Variants in ELMO1 observed in about 807,000 individuals in gnomAD.
ELMO1 encodes the protein engulfment and cell motility 1.
Under a neutral mutation model 98.9 loss-of-function variants are expected in ELMO1, and 26 were observed. The ratio of observed to expected loss-of-function variants is 0.26; its 90% CI spans 0.19 to 0.36. The LOEUF is 0.36. ELMO1 is among the 10% of genes least tolerant of loss of function. The probability of loss-of-function intolerance (pLI) is 1.00; values close to 1 mark genes in which losing one functional copy is unlikely to be tolerated. For synonymous variants in ELMO1, 346 were observed against 346.0 expected (o/e 1.00, Z 0.00); for missense variants, 627 against 935.2 (o/e 0.67, Z 4.30).
chr7:36,977,372 T>C (rs990121336), intron 16 of ELMO1, among the ~76,000 whole-genome samples: 1 of 152,206 alleles, frequency 6.6e-6, no homozygotes. Flanking sequence ...GGTCTGGCCT[T>C]GAAGCAAGTA....
rs1391213907 is a variant in ELMO1, at chr7:36,854,538, C to A, written c.*1013G>T. ...TAGACTCTTTTGTACAAAAACAAAG[C>A]AAAAAAAAAAAAAAAAACTAACCCA... On this transcript the variant is annotated 3_prime_UTR_variant, in exon 22 of 22. Transcript: ENST00000310758. 40 of 132,874 alleles carry A rather than the reference C, an allele frequency of 3.0e-4. No individual in the cohort carries two copies. Among genetic ancestry groups the A allele is most frequent in the African/African-American group, 5.1e-4 (18 of 35,160 alleles). The allele number at this position is 132,874 out of a possible 1,614,324, so 8.2% of individuals were successfully genotyped here. A position where few individuals can be genotyped will look rare whatever the true frequency, so the allele number is the denominator to read the frequency against.
chr7:36,891,560 C>T (rs1584320698), intron 17 of ELMO1, among the ~76,000 whole-genome samples: 1 of 152,282 alleles, frequency 6.6e-6, no homozygotes, highest in Admixed American at 6.5e-5. Context: ...TTATCATTTA[C>T]ATATCAACAG....
chr7:37,207,131 T>A (rs17170919), intron 13 of ELMO1, among the ~76,000 whole-genome samples: 1,785 of 152,254 alleles, frequency 0.012, 41 homozygotes, highest in African/African-American at 0.041. Flanking sequence ...GCGGCTACAA[T>A]CAAGAGGGAC....
At chr7:37,394,665 C>A (rs2131433088) in intron 1 of ELMO1, among the ~76,000 whole-genome samples, 1 of 152,160 alleles carries the variant, frequency 6.6e-6, no homozygotes, top group East Asian at 1.9e-4. Flanking sequence ...AAACAGAGAC[C>A]AGATTCCACA....
At chr7:36,901,405 C>T (rs1806494657) in intron 16 of ELMO1, among the ~76,000 whole-genome samples, 1 of 152,166 alleles carries the variant, frequency 6.6e-6, no homozygotes, top group Admixed American at 6.5e-5. Context: ...GTATTTTAGT[C>T]TTTGTGAGCC....
chr7:37,342,857 G>C lies in ELMO1; in HGVS notation c.-73-94C>G. The C allele has an allele frequency of 3.2e-6, 2 of 626,408 alleles. No individual in the cohort carries two copies. The highest frequency in any genetic ancestry group is 5.3e-6 in the Non-Finnish European group (2 of 375,552). 38.8% of individuals were successfully genotyped at this position (626,408 alleles called of 1,614,324 possible). ...CACTTCCTGTTTTCACTGGTGGTTT[G>C]GTATGAAAAACGGCTCCCCTTGGTG... On this transcript the variant is annotated intron_variant, in intron 1 of 21. Transcript: ENST00000310758. The surrounding 1 kb of genome is among the most constrained non-coding windows in gnomAD (Gnocchi z 4.3).
intron 1 of ELMO1, among the ~76,000 whole-genome samples, chr7:37,401,587 G>A (rs1803529973): frequency 6.6e-6 from 1 of 152,190 alleles, no homozygotes; most frequent in South Asian, 2.1e-4. Flanking sequence ...AATCATGGCA[G>A]AAGGGGAAGC....
intron 15 of ELMO1, among the ~76,000 whole-genome samples, chr7:37,044,605 C>A (rs1795700854): frequency 6.6e-6 from 1 of 152,134 alleles, no homozygotes; most frequent in African/African-American, 2.4e-5. Context: ...CACTGTCTCC[C>A]CCTCCTATTC....
In ELMO1 at chr7:37,225,966, C is replaced by G. The variant is rs116545915; in HGVS notation, c.550-936G>C. 2.0e-3 allele frequency among the ~76,000 whole-genome samples: 306 copies of G among 152,262 alleles called. 4 individuals are homozygous for G. The highest frequency in any genetic ancestry group is 6.8e-3 in the African/African-American group (284 of 41,546). On this transcript the variant is annotated intron_variant, in intron 8 of 21. Transcript: ENST00000310758. ...ACAAGTAAACTCTTGCTGCTTCCCC[C>G]CTGTCAACACTAATTTCTCCCTTTT...
chr7:36,899,710 A>G (rs1806347761), intron 16 of ELMO1, among the ~76,000 whole-genome samples: 1 of 10,812 alleles, frequency 9.2e-5, no homozygotes, highest in Admixed American at 1.1e-3. Context: ...TACCACTCCT[A>G]AACTAGGAGT....
intron 14 of ELMO1, among the ~76,000 whole-genome samples, chr7:37,110,511 CACTT>C (rs1276298599): frequency 6.6e-6 from 1 of 152,178 alleles, no homozygotes; most frequent in Non-Finnish European, 1.5e-5. Context: ...GCATTTCTGC[CACTT>C]AAAGTATACC....
chr7:36,884,979 C>T (rs1051966917), intron 18 of ELMO1, among the ~76,000 whole-genome samples: 1 of 152,138 alleles, frequency 6.6e-6, no homozygotes, highest in Non-Finnish European at 1.5e-5. Context: ...AGAAGTGCGT[C>T]TTTCTCGAAG....
intron 16 of ELMO1, among the ~76,000 whole-genome samples, chr7:36,982,899 A>T (rs1478475405): frequency 6.6e-6 from 1 of 152,216 alleles, no homozygotes; most frequent in Non-Finnish European, 1.5e-5. Context: ...TTGCCCTAGC[A>T]GCCATCAATC....
chr7:37,430,460 C>T (rs571950655), intron 1 of ELMO1, among the ~76,000 whole-genome samples: 20 of 152,352 alleles, frequency 1.3e-4, no homozygotes, highest in African/African-American at 1.9e-4. Flanking sequence ...TAAAAATGGT[C>T]GCTTCTCCCA....
At position 37,243,618 on chromosome 7, in the gene ELMO1, C is replaced by T. The variant is rs562910112; in HGVS notation, c.449+738G>A. ...TTGAGACCAGCATAATACTATAGTACATTGAAGGTGATGAGGATTTTCTCT... is the reference window on the plus strand; with the variant it reads ...TTGAGACCAGCATAATACTATAGTATATTGAAGGTGATGAGGATTTTCTCT... On this transcript the variant is annotated intron_variant, in intron 7 of 21. Coordinates refer to ENST00000310758, the MANE Select transcript of ELMO1 (RefSeq NM_014800.11). Among the ~76,000 whole-genome samples, 184 of 152,282 alleles carry T rather than the reference C, an allele frequency of 1.2e-3. 3 individuals are homozygous for T. Among genetic ancestry groups the T allele is most frequent in the Admixed American group, 4.2e-3 (64 of 15,302 alleles).
At chr7:37,051,703 C>T (rs1796118362) in intron 15 of ELMO1, among the ~76,000 whole-genome samples, 2 of 152,124 alleles carry the variant, frequency 1.3e-5, no homozygotes, top group Non-Finnish European at 2.9e-5. Flanking sequence ...TAAATGAATC[C>T]TTTCCTCAAG....
At chr7:36,953,606 A>G (rs886695394) in intron 16 of ELMO1, among the ~76,000 whole-genome samples, 3 of 152,210 alleles carry the variant, frequency 2.0e-5, no homozygotes, top group African/African-American at 4.8e-5. Context: ...TAGTGTAACA[A>G]TACTTTTTAT....
At chr7:37,159,259 A>G (rs1789026918) in intron 13 of ELMO1, among the ~76,000 whole-genome samples, 1 of 152,218 alleles carries the variant, frequency 6.6e-6, no homozygotes, top group Admixed American at 6.5e-5. Context: ...TATGTAGCAA[A>G]CCTGCACATT....
At chr7:37,151,963 C>A (rs1788395273) in intron 13 of ELMO1, among the ~76,000 whole-genome samples, 1 of 152,090 alleles carries the variant, frequency 6.6e-6, no homozygotes, top group Non-Finnish European at 1.5e-5. Flanking sequence ...CCTTTCCCAG[C>A]CCTGAGAACA....
Sources: gnomAD v4.1 joint callset for allele counts (sites outside exome capture counted in the v4.1 genomes callset) on GRCh38, gnomAD v4.1.1 for gene constraint, Gnocchi (gnomAD v3.1) non-coding constraint, MANE v1.5 for transcripts, NCBI Gene and HGNC (gene_info 2026-07-23, HGNC 2026-07-21) for gene names.